The following BLNK variants were observed in gnomAD, a reference collection of about 807,000 sequenced individuals.
BLNK encodes the protein B-cell linker protein.
In BLNK, 29 loss-of-function variants were observed where a neutral mutation model predicts 73.5. The ratio of observed to expected loss-of-function variants is 0.39; its 90% confidence interval spans 0.29 to 0.54. The LOEUF (loss-of-function observed/expected upper bound fraction) is 0.54, where lower values mean the gene tolerates loss of function less well. BLNK is among the 20% of genes least tolerant of loss of function. The pLI, the probability that BLNK is intolerant of heterozygous loss-of-function variation, is 0.61. For missense variants in BLNK, 460 were observed against 562.8 expected, an observed-to-expected ratio of 0.82 and a Z score of 1.85; for synonymous variants, 176 against 200.8, an observed-to-expected ratio of 0.88 and a Z score of 1.04.
At chr10:96,210,222 G>A (rs1274627451) in intron 8 of BLNK, 1 of 403,090 alleles carries the variant, frequency 2.5e-6, no homozygotes, top group Admixed American at 3.6e-5. Flanking sequence ...TGATTCTGAG[G>A]ACTCAGTGAG....
chr10:96,191,914 A>G lies in BLNK; in HGVS notation c.*59T>C. 1 of 1,608,320 alleles carries G rather than the reference A, an allele frequency of 6.2e-7. No individual in the cohort carries two copies. Among genetic ancestry groups the G allele is most frequent in the Non-Finnish European group, 8.5e-7 (1 of 1,176,470 alleles). On this transcript the variant is annotated 3_prime_UTR_variant, in exon 17 of 17. Transcript: ENST00000224337. ...ATATGAAGTTTTGGGACTTTTTCTC[A>G]AAAGGAGAAACTTTGGGAAAGTGTC...
chr10:96,208,009 G>T, intron 9 of BLNK, 110 bp from the exon 10 acceptor site: 1 of 1,154,248 alleles, frequency 8.7e-7, no homozygotes, highest in Non-Finnish European at 1.3e-6. Flanking sequence ...AGCGATACAA[G>T]TGTGTAGAAG....
intron 16 of BLNK, among the ~76,000 whole-genome samples, chr10:96,195,677 G>A (rs1554894524): frequency 6.6e-6 from 1 of 152,192 alleles, no homozygotes; most frequent in Non-Finnish European, 1.5e-5. Context: ...CTGTTGTTCA[G>A]TGGGTATAGG....
intron 2 of BLNK, among the ~76,000 whole-genome samples, chr10:96,246,302 C>T (rs577032914): frequency 6.6e-6 from 1 of 152,292 alleles, no homozygotes; most frequent in East Asian, 1.9e-4. Context: ...TCTGTAATCC[C>T]AGCACTTTGG....
At chr10:96,265,119 C>CTTATTTATTTA (rs1554913905) in intron 1 of BLNK, among the ~76,000 whole-genome samples, 1 of 136,958 alleles carries the variant, frequency 7.3e-6, no homozygotes, top group Non-Finnish European at 1.6e-5. Flanking sequence ...CCACACCAGA[C>CTTATTTATTTA]TTATTTATTT....
intron 3 of BLNK, among the ~76,000 whole-genome samples, chr10:96,241,722 T>C (rs1554906269): frequency 7.7e-6 from 1 of 130,092 alleles, no homozygotes; most frequent in East Asian, 2.2e-4. Flanking sequence ...TGTAATTACT[T>C]TTCTTTTCTT....
chr10:96,219,269 G>C (rs1467919010), intron 6 of BLNK, among the ~76,000 whole-genome samples: 5 of 152,244 alleles, frequency 3.3e-5, no homozygotes, highest in Non-Finnish European at 5.9e-5. Flanking sequence ...TGACTTAGCA[G>C]CTTTGAATAA....
intron 3 of BLNK, among the ~76,000 whole-genome samples, chr10:96,234,207 C>T (rs1554904677): frequency 1.3e-5 from 2 of 152,148 alleles, no homozygotes; most frequent in Non-Finnish European, 2.9e-5. Context: ...GAGAATGACC[C>T]AATCCAGACA....
intron 5 of BLNK, 107 bp downstream of exon 5, chr10:96,227,303 G>A (rs1842306438): frequency 6.9e-7 from 1 of 1,458,824 alleles, no homozygotes; most frequent in African/African-American, 1.4e-5. Context: ...GCGGCTGGCA[G>A]AGGCCCTCAA....
chr10:96,226,566 C>A (rs151242399), intron 5 of BLNK, among the ~76,000 whole-genome samples: 1 of 152,170 alleles, frequency 6.6e-6, no homozygotes, highest in Non-Finnish European at 1.5e-5. Flanking sequence ...TGGGGCCAGG[C>A]GCAGTGGCTT....
intron 4 of BLNK, among the ~76,000 whole-genome samples, chr10:96,229,559 T>C (rs115147472): frequency 1.5e-3 from 230 of 152,206 alleles, no homozygotes; most frequent in African/African-American, 5.3e-3. Flanking sequence ...GCTTTCTAAG[T>C]TCCCTTGTGT....
intron 6 of BLNK, among the ~76,000 whole-genome samples, chr10:96,222,468 C>T (rs150225236): frequency 6.6e-6 from 1 of 152,276 alleles, no homozygotes; most frequent in East Asian, 1.9e-4. Flanking sequence ...TCAGTTACTA[C>T]GACAGCTTGG....
chr10:96,221,931 G>T (rs941788772), intron 6 of BLNK, among the ~76,000 whole-genome samples: 6 of 152,186 alleles, frequency 3.9e-5, no homozygotes, highest in African/African-American at 1.4e-4. Flanking sequence ...AAAGAGACCA[G>T]GATTCACAGC....
chr10:96,201,964 G>T (rs7099008), intron 13 of BLNK, among the ~76,000 whole-genome samples: 144,584 of 152,152 alleles, frequency 0.95, 69,103 homozygotes, highest in East Asian at 1. Flanking sequence ...GGAAGAATAT[G>T]TGGGTGAGAT....
At chr10:96,245,298 TA>T (rs1554907365) in intron 2 of BLNK, among the ~76,000 whole-genome samples, 1 of 152,236 alleles carries the variant, frequency 6.6e-6, no homozygotes, top group Non-Finnish European at 1.5e-5. Context: ...TGAACTTCTA[TA>T]AACTATTTTT....
At chr10:96,246,062 G>A (rs782139996) in intron 2 of BLNK, among the ~76,000 whole-genome samples, 1 of 151,710 alleles carries the variant, frequency 6.6e-6, no homozygotes, top group Non-Finnish European at 1.5e-5. Flanking sequence ...ACCTACTAAG[G>A]TATATAAGAC....
At chr10:96,250,526 G>T (rs868963685) in intron 1 of BLNK, among the ~76,000 whole-genome samples, 1 of 151,954 alleles carries the variant, frequency 6.6e-6, no homozygotes, top group Non-Finnish European at 1.5e-5. Context: ...AGGGCAGCTC[G>T]TTGTAAGCTG....
chr10:96,242,152 GT>G (rs1487236939), intron 3 of BLNK, among the ~76,000 whole-genome samples: 3 of 152,182 alleles, frequency 2.0e-5, no homozygotes, highest in Non-Finnish European at 4.4e-5. Context: ...CATGAGTGCA[GT>G]TTCCCCCGTA....
chr10:96,260,251 C>G (rs1268290117), intron 1 of BLNK, among the ~76,000 whole-genome samples: 1 of 152,164 alleles, frequency 6.6e-6, no homozygotes, highest in South Asian at 2.1e-4. Flanking sequence ...ACTAAGAGGT[C>G]ATGTCATTTA....
Sources: allele counts gnomAD v4.1 joint callset (sites outside exome capture counted in the v4.1 genomes callset), GRCh38; gene constraint gnomAD v4.1.1; transcripts MANE v1.5; gene names NCBI Gene and HGNC (gene_info 2026-07-23, HGNC 2026-07-21).